ALDH5A1: variants seen among roughly 807,000 people sequenced by gnomAD.
ALDH5A1 encodes the protein aldehyde dehydrogenase 5 family member A1.
A neutral mutation model predicts 54.7 loss-of-function variants in ALDH5A1; 33 were observed. That is an observed-to-expected ratio of 0.60 (90% CI 0.46 to 0.81). The LOEUF is 0.81. ALDH5A1 is among the 30% of genes least tolerant of loss of function. The probability of loss-of-function intolerance (pLI) is 0.00; values close to 1 mark genes in which losing one functional copy is unlikely to be tolerated. For synonymous variants in ALDH5A1, 294 were observed against 292.7 expected (o/e 1.00, Z -0.05); for missense variants, 657 against 711.0 (o/e 0.92, Z 0.86).
chr6:24,524,935 G>T (rs1759772609), intron 7 of ALDH5A1, among the ~76,000 whole-genome samples: 1 of 152,232 alleles, frequency 6.6e-6, no homozygotes, highest in Non-Finnish European at 1.5e-5. Context: ...TTTGCAGCCA[G>T]TCTGGGAAAC....
intron 8 of ALDH5A1, 134 bp downstream of exon 8, chr6:24,528,300 A>G: frequency 2.1e-6 from 2 of 938,290 alleles, no homozygotes; most frequent in Non-Finnish European, 3.2e-6. Flanking sequence ...TGAAGAGCAG[A>G]GTGCAATTTA....
chr6:24,534,372 A>G lies in ALDH5A1; in HGVS notation c.*660A>G, dbSNP rs1427224008. 1 of 152,570 alleles carries G rather than the reference A, an allele frequency of 6.6e-6. No individual in the cohort carries two copies. The allele number at this position is 152,570 out of a possible 1,614,324, so 9.5% of individuals were successfully genotyped here. A position where few individuals can be genotyped will look rare whatever the true frequency, so the allele number is the denominator to read the frequency against. Reference sequence around the variant, plus strand: ...CCAAATTTACCACTTAAAGAATTCTATTTTCATTTCTGTCCTGTTTGCCAC... The same window carrying G: ...CCAAATTTACCACTTAAAGAATTCTGTTTTCATTTCTGTCCTGTTTGCCAC... On this transcript the variant is annotated 3_prime_UTR_variant, in exon 10 of 10. Transcript: ENST00000357578.
intron 9 of ALDH5A1, 52 bp downstream of exon 9, chr6:24,532,229 A>C: frequency 2.1e-3 from 3,231 of 1,559,394 alleles, no homozygotes; most frequent in Non-Finnish European, 2.6e-3. Flanking sequence ...TCTCCAGCTC[A>C]TGCCAGATTT....
rs551902853 is a variant in ALDH5A1, at chr6:24,503,338, C to G, written c.514C>G (p.Arg172Gly). ...FFLEWFSEEA[R>G]RVYGDIIHTP... Reference sequence around the variant, plus strand: ...CCTAGAGTGGTTCTCTGAGGAAGCCCGCCGTGTTTACGGAGACATTATCCA... The same window carrying G: ...CCTAGAGTGGTTCTCTGAGGAAGCCGGCCGTGTTTACGGAGACATTATCCA... Residue 172 changes from arginine to glycine, a missense_variant, in exon 3 of 10, where the codon CGC becomes GGC. Coordinates refer to ENST00000357578, the MANE Select transcript of ALDH5A1 (RefSeq NM_001080.3). The G allele has an allele frequency of 6.2e-7, 1 of 1,613,956 alleles. No homozygotes were observed. The highest frequency in any genetic ancestry group is 1.3e-5 in the African/African-American group (1 of 74,902).
chr6:24,526,962 ATATGTGTGTGTG>A (rs1303292176), intron 7 of ALDH5A1, among the ~76,000 whole-genome samples: 1,769 of 10,700 alleles, frequency 0.17, 134 homozygotes, highest in Non-Finnish European at 0.23. Context: ...TAATATATAT[ATATGTGTGTGTG>A]TATATATATA....
chr6:24,516,978 C>T (rs918873012), intron 5 of ALDH5A1, among the ~76,000 whole-genome samples: 1 of 151,986 alleles, frequency 6.6e-6, no homozygotes, highest in Non-Finnish European at 1.5e-5. Context: ...CATCTATGGT[C>T]ATTTTAGAAA....
At chr6:24,528,203 A>C in intron 8 of ALDH5A1, 37 bp downstream of exon 8, 1 of 1,611,552 alleles carries the variant, frequency 6.2e-7, no homozygotes, top group South Asian at 1.1e-5. Flanking sequence ...TGGGAGGAAG[A>C]ATAGAAGAGA....
intron 1 of ALDH5A1, among the ~76,000 whole-genome samples, chr6:24,499,313 C>G (rs1764774747): frequency 1.3e-5 from 2 of 151,994 alleles, no homozygotes; most frequent in African/African-American, 4.8e-5. Context: ...GAAGGTTTTT[C>G]TTGGCTTTGA....
At chr6:24,514,783 G>GT (rs1561873746) in intron 4 of ALDH5A1, among the ~76,000 whole-genome samples, 1 of 150,902 alleles carries the variant, frequency 6.6e-6, no homozygotes, top group Non-Finnish European at 1.5e-5. Context: ...TTGTTTGTTT[G>GT]TTTTTTTGAG....
chr6:24,527,543 G>C (rs373813594), intron 7 of ALDH5A1, among the ~76,000 whole-genome samples: 9 of 152,100 alleles, frequency 5.9e-5, no homozygotes, highest in African/African-American at 2.2e-4. Flanking sequence ...CTGCACTCCA[G>C]CCTGGGTGAC....
At position 24,511,393 on chromosome 6, in the gene ALDH5A1, C is replaced by T. The variant is rs558327005; in HGVS notation, c.727-3774C>T. Among the ~76,000 whole-genome samples the T allele has an allele frequency of 1.0e-3, 154 of 152,172 alleles. 1 individual carries two copies. The highest frequency in any genetic ancestry group is 3.4e-3 in the Middle Eastern group (1 of 294). The stretch of plus-strand genomic sequence containing the variant: ...CTAGCAAGGCTGGAGAAGTTTTCCT[C>T]GATTATTCCCCCAAATATGTTTTCC... On this transcript the variant is annotated intron_variant, in intron 4 of 9. Transcript: ENST00000357578.
At chr6:24,532,095 T>G (rs1217645257) in intron 8 of ALDH5A1, 24 bp from the exon 9 acceptor site, 1 of 1,612,246 alleles carries the variant, frequency 6.2e-7, no homozygotes, top group East Asian at 2.2e-5. Context: ...TTACATTTTT[T>G]ATGACCTATC....
At chr6:24,504,837 C>T (rs1176429945) in intron 3 of ALDH5A1, 32 bp from the exon 4 acceptor site, 1 of 1,598,308 alleles carries the variant, frequency 6.3e-7, no homozygotes, top group Non-Finnish European at 8.6e-7. Context: ...GGTCCTTCCT[C>T]TCACATACTT....
intron 7 of ALDH5A1, among the ~76,000 whole-genome samples, chr6:24,525,014 G>A (rs760105871): frequency 7.9e-5 from 12 of 152,126 alleles, no homozygotes; most frequent in Non-Finnish European, 1.6e-4. Flanking sequence ...GGTGCTGTAC[G>A]CCAGGACTTC....
chr6:24,512,141 C>T (rs1176428948), intron 4 of ALDH5A1, among the ~76,000 whole-genome samples: 51 of 152,318 alleles, frequency 3.3e-4, no homozygotes, highest in Non-Finnish European at 2.9e-5. Context: ...AGGCTCCAGG[C>T]TGCTACTGAG....
chr6:24,520,555 G>T lies in ALDH5A1; in HGVS notation c.1014+11G>T. On this transcript the variant is annotated intron_variant, in intron 6 of 9. Transcript: ENST00000357578. Reference sequence around the variant, plus strand: ...AGGAACACTGGACAGGTGAGTCCTGGAGAGTATTTCAGGATGTGTGTTTGC... The same window carrying T: ...AGGAACACTGGACAGGTGAGTCCTGTAGAGTATTTCAGGATGTGTGTTTGC... 6.2e-7 allele frequency: 1 copy of T among 1,613,914 alleles called. No homozygotes were observed. The highest frequency in any genetic ancestry group is 8.5e-7 in the Non-Finnish European group (1 of 1,179,962).
At chr6:24,532,302 C>A in intron 9 of ALDH5A1, 125 bp downstream of exon 9, 3 of 956,070 alleles carry the variant, frequency 3.1e-6, no homozygotes, top group African/African-American at 1.6e-5. Context: ...TGTTTTGTTG[C>A]TTTCCAAGTG....
At chr6:24,513,880 C>A (rs186104251) in intron 4 of ALDH5A1, among the ~76,000 whole-genome samples, 26 of 152,298 alleles carry the variant, frequency 1.7e-4, no homozygotes, top group Admixed American at 4.6e-4. Flanking sequence ...GTGGTATATT[C>A]TTACCCACTT....
chr6:24,496,276 G>A (rs1449814760), intron 1 of ALDH5A1, among the ~76,000 whole-genome samples: 2 of 152,198 alleles, frequency 1.3e-5, no homozygotes, highest in Non-Finnish European at 2.9e-5. Flanking sequence ...ACATGGGGTG[G>A]AAGGGGAGCA....
Sources: allele counts gnomAD v4.1 joint callset (sites outside exome capture counted in the v4.1 genomes callset), GRCh38; gene constraint gnomAD v4.1.1; transcripts MANE v1.5; gene names NCBI Gene and HGNC (gene_info 2026-07-23, HGNC 2026-07-21).